The following BAHCC1 variants were observed in gnomAD, a reference collection of about 807,000 sequenced individuals.
BAHCC1 encodes BAH domain and coiled-coil containing 1.
Under a neutral mutation model 88.2 loss-of-function variants are expected in BAHCC1, and 43 were observed. The observed-to-expected ratio is 0.49, with a 90% CI of 0.38 to 0.63. The LOEUF (loss-of-function observed/expected upper bound fraction) is 0.63. Among genes scored for constraint, BAHCC1 ranks in the 20% least tolerant of loss-of-function variants. The probability of loss-of-function intolerance (pLI) is 0.00; values close to 1 mark genes in which losing one functional copy is unlikely to be tolerated. For missense variants in BAHCC1, 3,023 were observed against 1,654.8 expected (o/e 1.83, Z -14.34); for synonymous variants, 1,510 against 745.5 (o/e 2.03, Z -16.71).
intron 1 of BAHCC1, among the ~76,000 whole-genome samples, chr17:81,398,155 G>A (rs889303991): frequency 2.0e-5 from 3 of 152,336 alleles, no homozygotes; most frequent in South Asian, 2.1e-4. Context: ...TTTGTTGGAG[G>A]TGATAAACAT....
chr17:81,414,679 C>T (rs557644636), intron 2 of BAHCC1, among the ~76,000 whole-genome samples: 1 of 152,290 alleles, frequency 6.6e-6, no homozygotes, highest in African/African-American at 2.4e-5. Flanking sequence ...GGAGCGCTGG[C>T]CGTCGGGAGG....
intron 14 of BAHCC1, among the ~76,000 whole-genome samples, chr17:81,454,386 G>A (rs987014790): frequency 5.3e-5 from 8 of 152,154 alleles, no homozygotes; most frequent in South Asian, 2.1e-4. Context: ...CTCAGCCTCC[G>A]CAGTGTCCAG....
rs879097937 is a variant in BAHCC1, at chr17:81,426,451, T to TAGTC, written c.179-349_179-348insAGTC. The stretch of plus-strand genomic sequence containing the variant: ...TGGTGGGTGATGTGGTTGGGGGTGA[T>TAGTC]GTGGGTGATGTGGTTGGGGGTGATA... On this transcript the variant is annotated intron_variant, in intron 2 of 27. Coordinates refer to ENST00000675386, the MANE Select transcript of BAHCC1 (RefSeq NM_001377448.1). Among the ~76,000 whole-genome samples, 48 of 59,506 alleles carry TAGTC rather than the reference T, an allele frequency of 8.1e-4. 1 individual carries two copies. The highest frequency in any genetic ancestry group is 9.6e-3 in the Middle Eastern group (1 of 104). The allele number at this position is 59,506 out of a possible 152,430, so 39.0% of individuals were successfully genotyped here.
intron 2 of BAHCC1, among the ~76,000 whole-genome samples, chr17:81,425,881 G>GTGGTGATGTGGTTGGTGGGTGATGTCAT (rs1244287027): frequency 6.7e-6 from 1 of 149,130 alleles, no homozygotes; most frequent in Admixed American, 6.7e-5. Context: ...GATGTGGTTG[G>GTGGTGATGTGGTTGGTGGGTGATGTCAT]TGGTGATGTG....
chr17:81,419,588 C>T (rs1555649315), intron 2 of BAHCC1, among the ~76,000 whole-genome samples: 1 of 151,916 alleles, frequency 6.6e-6, no homozygotes, highest in South Asian at 2.1e-4. Context: ...GGAGCGGAAG[C>T]CAGTGCCGAG....
Position 81,443,223 on chromosome 17 carries a change from C to T in BAHCC1, c.1874C>T (p.Ala625Val), listed in dbSNP as rs782618003. 1.4e-5 allele frequency: 11 copies of T among 779,270 alleles called. No homozygotes were observed. The highest frequency in any genetic ancestry group is 2.4e-5 in the Non-Finnish European group (10 of 417,864). 48.3% of individuals were successfully genotyped at this position (779,270 alleles called of 1,614,324 possible). Residue 625 changes from alanine (A) to valine (V), a missense_variant, in exon 5 of 28, where the codon GCG becomes GTG. By Grantham distance (64) the Ala-to-Val change is moderately conservative. Transcript: ENST00000675386. Reference protein sequence around the residue: ...QAALLPQELPAPPDEVSAMKN... With the variant: ...QAALLPQELPVPPDEVSAMKN... The stretch of plus-strand genomic sequence containing the variant: ...GCTCTTCTGCCCCAGGAACTGCCTG[C>T]GCCGCCGGACGAGGTCTCAGCCATG...
intron 2 of BAHCC1, among the ~76,000 whole-genome samples, chr17:81,412,675 C>G (rs1404425849): frequency 6.6e-6 from 1 of 152,208 alleles, no homozygotes; most frequent in African/African-American, 2.4e-5. Context: ...GGCTCTTTCC[C>G]CGTCCGCGCC....
chr17:81,435,126 T>C lies in BAHCC1; in HGVS notation c.359-3244T>C, dbSNP rs1028862040. Among the ~76,000 whole-genome samples the C allele has an allele frequency of 2.2e-4, 33 of 150,576 alleles. 1 individual carries two copies. Among genetic ancestry groups the C allele is most frequent in the Admixed American group, 1.3e-3 (20 of 15,178 alleles). ...CCCCCGACCCCCACTGACTGCCCAC[T>C]CTCTCTCCTCCTGCCCACACCACAG... On this transcript the variant is annotated intron_variant, in intron 3 of 27. Transcript: ENST00000675386. The surrounding 1 kb of genome is among the most constrained non-coding windows in gnomAD (Gnocchi z 4.4).
rs1342430725 is a variant in BAHCC1, at chr17:81,463,835, C to T, written c.*18C>T. On this transcript the variant is annotated 3_prime_UTR_variant, in exon 28 of 28. Transcript: ENST00000675386. ...TATGCTGAGCCGCCCACCGCAGATGCCTCCCACGTGCGCCAGGGACCCTGT... is the reference window on the plus strand; with the variant it reads ...TATGCTGAGCCGCCCACCGCAGATGTCTCCCACGTGCGCCAGGGACCCTGT... The T allele has an allele frequency of 2.8e-6, 2 of 707,660 alleles. No homozygotes were observed. The highest frequency in any genetic ancestry group is 2.7e-5 in the East Asian group (1 of 37,396). The allele number at this position is 707,660 out of a possible 1,614,324, so 43.8% of individuals were successfully genotyped here.
chr17:81,402,111 A>C (rs1424815418), intron 2 of BAHCC1: 1 of 152,310 alleles, frequency 6.6e-6, no homozygotes, highest in Non-Finnish European at 1.5e-5. Context: ...AGGGTGCTCT[A>C]GAGGGCGCTG....
In BAHCC1 at chr17:81,461,272, C is replaced by A; in HGVS notation, c.6609C>A (p.Gly2203=). The change falls in exon 26 of 28, where the codon GGC becomes GGA. Residue 2203 remains glycine, a synonymous_variant. Coordinates refer to ENST00000675386, the MANE Select transcript of BAHCC1 (RefSeq NM_001377448.1). ...EAEKGGRRRA[G]GEFLVKLDHE... is the part of the protein sequence containing the mutation. ...AGAAGGGTGGGCGGCGGCGGGCGGG[C>A]GGTGAGTTCCTGGTCAAGCTGGACC... The A allele has an allele frequency of 1.4e-6, 1 of 700,898 alleles. No homozygotes were observed. The allele number at this position is 700,898 out of a possible 1,614,324, so 43.4% of individuals were successfully genotyped here. A position where few individuals can be genotyped will look rare whatever the true frequency, so the allele number is the denominator to read the frequency against.
intron 4 of BAHCC1, among the ~76,000 whole-genome samples, chr17:81,439,445 C>T (rs1011059839): frequency 5.3e-5 from 8 of 151,774 alleles, no homozygotes; most frequent in African/African-American, 1.2e-4. Flanking sequence ...TGGGAGGGTG[C>T]ACCTGGGGAG....
At chr17:81,441,725 CAG>C (rs2064420256) in intron 4 of BAHCC1, 104 bp from the exon 5 acceptor site, 6 of 474,562 alleles carry the variant, frequency 1.3e-5, no homozygotes, top group African/African-American at 1.2e-4. Flanking sequence ...AACCTGGAGT[CAG>C]TGCCAGCTGG....
Position 81,447,748 on chromosome 17 carries a change from A to G in BAHCC1, c.3876A>G (p.Thr1292=), listed in dbSNP as rs1420278282. The change falls in exon 11 of 28, where the codon ACA becomes ACG. Residue 1292 remains threonine, a synonymous_variant. Transcript: ENST00000675386. Reference sequence around the variant, plus strand: ...CAGCGGCCTCTGGGCCCCCCAGCACAGTCCCCCTGCCTCATAGCTCAGGGA... The same window carrying G: ...CAGCGGCCTCTGGGCCCCCCAGCACGGTCCCCCTGCCTCATAGCTCAGGGA... ...QPPAASGPPS[T]VPLPHSSGIH... is the part of the protein sequence containing the mutation. 1 of 738,122 alleles carries G rather than the reference A, an allele frequency of 1.4e-6. No individual in the cohort carries two copies. The highest frequency in any genetic ancestry group is 2.5e-6 in the Non-Finnish European group (1 of 397,192). 45.7% of individuals were successfully genotyped at this position (738,122 alleles called of 1,614,324 possible).
intron 2 of BAHCC1, chr17:81,413,192 C>A: frequency 2.4e-6 from 1 of 409,734 alleles, no homozygotes; most frequent in Non-Finnish European, 4.9e-6. Flanking sequence ...GTGGCTGTGG[C>A]TGCCTCCCCT....
chr17:81,405,837 ACTGTGATTGTC>A lies in BAHCC1; in HGVS notation c.178+5924_178+5934del, dbSNP rs559322346. Among the ~76,000 whole-genome samples, 25 of 152,222 alleles carry A rather than the reference ACTGTGATTGTC, an allele frequency of 1.6e-4. No individual in the cohort carries two copies. In the South Asian group the frequency reaches 5.0e-3, roughly 30 times the overall value. ...GCCCTCTGGATCCTGTGAGGCAGCT[ACTGTGATTGTC>A]CTGGCCAACGCCCCACCGGAGAGTC... On this transcript the variant is annotated intron_variant, in intron 2 of 27. Coordinates refer to ENST00000675386, the MANE Select transcript of BAHCC1 (RefSeq NM_001377448.1).
chr17:81,399,122 C>CGTGT lies in BAHCC1; in HGVS notation c.-206-410_-206-407dup, dbSNP rs1555645380. ...GCAGCGGGGGAGGGGAGAGGGTGTG[C>CGTGT]GTGTGAGTGTGTGTGTGTGTGTGTG... On this transcript the variant is annotated intron_variant, in intron 1 of 27. Transcript: ENST00000675386. The surrounding 1 kb of genome is among the most constrained non-coding windows in gnomAD (Gnocchi z 4.5). The CGTGT allele has an allele frequency of 3.9e-5, 6 of 155,114 alleles. No homozygotes were observed. The highest frequency in any genetic ancestry group is 1.1e-3 in the East Asian group (2 of 1,778). The allele number at this position is 155,114 out of a possible 1,614,324, so 9.6% of individuals were successfully genotyped here.
chr17:81,418,958 CTGTGCAAGTGTGAGTG>C lies in BAHCC1; in HGVS notation c.179-7811_179-7796del, dbSNP rs1322516601. 2.3e-3 allele frequency among the ~76,000 whole-genome samples: 355 copies of C among 152,148 alleles called. 3 individuals carry two copies. The highest frequency in any genetic ancestry group is 3.2e-3 in the Non-Finnish European group (217 of 68,006). ...GTCACACACAGTCCCTCCCCTGCCTCTGTGCAAGTGTGAGTGTGTGCAAGTGTGAGTGTGTGCAAGT... is the reference window on the plus strand; with the variant it reads ...GTCACACACAGTCCCTCCCCTGCCTCTGTGCAAGTGTGAGTGTGTGCAAGT... On this transcript the variant is annotated intron_variant, in intron 2 of 27. Transcript: ENST00000675386.
intron 2 of BAHCC1, among the ~76,000 whole-genome samples, chr17:81,414,472 G>A (rs970652444): frequency 5.3e-5 from 8 of 152,130 alleles, no homozygotes; most frequent in African/African-American, 1.7e-4. Flanking sequence ...TTTCTCCCTC[G>A]GACCTCCCGT....
Sources: gnomAD v4.1 joint callset for allele counts (sites outside exome capture counted in the v4.1 genomes callset) on GRCh38, gnomAD v4.1.1 for gene constraint, Gnocchi (gnomAD v3.1) non-coding constraint, MANE v1.5 for transcripts, NCBI Gene and HGNC (gene_info 2026-07-23, HGNC 2026-07-21) for gene names.